HMBOX1: variants seen among roughly 807,000 people sequenced by gnomAD.
HMBOX1 encodes homeobox-containing protein 1.
In HMBOX1, 14 loss-of-function variants were observed where a neutral mutation model predicts 54.5. The ratio of observed to expected loss-of-function variants is 0.26; its 90% CI spans 0.17 to 0.40. The LOEUF (loss-of-function observed/expected upper bound fraction) is 0.40, where lower values mean the gene tolerates loss of function less well. Among genes scored for constraint, HMBOX1 ranks in the 10% least tolerant of loss-of-function variants. HMBOX1 has a pLI of 1.00. For synonymous variants in HMBOX1, 160 were observed against 181.0 expected, an observed-to-expected ratio of 0.88 and a Z score of 0.93; for missense variants, 332 against 514.4, an observed-to-expected ratio of 0.65 and a Z score of 3.43.
chr8:29,009,996 AT>A (rs1834021479), intron 5 of HMBOX1: 1 of 984,292 alleles, frequency 1.0e-6, no homozygotes, highest in African/African-American at 1.7e-5. Context: ...ATATTGCATA[AT>A]AATAGCATTG....
At chr8:28,978,671 C>T (rs994151083) in intron 3 of HMBOX1, among the ~76,000 whole-genome samples, 2 of 151,776 alleles carry the variant, frequency 1.3e-5, no homozygotes, top group African/African-American at 4.8e-5. Flanking sequence ...CCTGTAACCT[C>T]AGCTACTCAG....
intron 4 of HMBOX1, among the ~76,000 whole-genome samples, chr8:28,988,812 A>T (rs1401202994): frequency 6.6e-6 from 1 of 151,734 alleles, no homozygotes; most frequent in Non-Finnish European, 1.5e-5. Context: ...CTTTTTGTTT[A>T]TTCTGGGTAC....
At chr8:28,900,056 C>T (rs1812903911) in intron 1 of HMBOX1, among the ~76,000 whole-genome samples, 1 of 151,730 alleles carries the variant, frequency 6.6e-6, no homozygotes, top group Admixed American at 6.6e-5. Flanking sequence ...CAAGACCAGC[C>T]TGGCCAACAT....
intron 1 of HMBOX1, among the ~76,000 whole-genome samples, chr8:28,922,754 A>C (rs1040489863): frequency 6.6e-6 from 1 of 152,186 alleles, no homozygotes; most frequent in Non-Finnish European, 1.5e-5. Flanking sequence ...GAGGAGTAAC[A>C]ATATATTATT....
chr8:28,932,659 G>C (rs1819663154), intron 1 of HMBOX1, among the ~76,000 whole-genome samples: 1 of 152,138 alleles, frequency 6.6e-6, no homozygotes, highest in Non-Finnish European at 1.5e-5. Flanking sequence ...TTTGTAGACT[G>C]ACTAACCACT....
At chr8:28,911,594 G>T (rs1354053916) in intron 1 of HMBOX1, among the ~76,000 whole-genome samples, 2 of 152,058 alleles carry the variant, frequency 1.3e-5, no homozygotes, top group East Asian at 3.9e-4. Flanking sequence ...GACCTCAAAT[G>T]ATCCACCCAC....
intron 4 of HMBOX1, among the ~76,000 whole-genome samples, chr8:28,988,452 G>T (rs757495550): frequency 5.3e-5 from 8 of 152,232 alleles, no homozygotes; most frequent in Admixed American, 2.6e-4. Flanking sequence ...ATACCCAGGA[G>T]TGGGATTGTG....
intron 4 of HMBOX1, among the ~76,000 whole-genome samples, chr8:28,995,471 G>A (rs1387379336): frequency 1.3e-5 from 2 of 152,172 alleles, no homozygotes; most frequent in African/African-American, 4.8e-5. Flanking sequence ...ATGAACATTT[G>A]TAGATAAGTT....
chr8:28,896,891 T>C (rs958839165), intron 1 of HMBOX1, among the ~76,000 whole-genome samples: 2 of 152,222 alleles, frequency 1.3e-5, no homozygotes, highest in African/African-American at 4.8e-5. Flanking sequence ...ACTTAAACTT[T>C]CTTTTAAAAG....
intron 1 of HMBOX1, among the ~76,000 whole-genome samples, chr8:28,956,826 T>C (rs1442836055): frequency 6.6e-6 from 1 of 152,172 alleles, no homozygotes; most frequent in East Asian, 1.9e-4. Flanking sequence ...CATTAAAAAG[T>C]GGACAAAAGA....
At chr8:28,972,701 G>T (rs1827632333) in intron 3 of HMBOX1, among the ~76,000 whole-genome samples, 1 of 152,190 alleles carries the variant, frequency 6.6e-6, no homozygotes, top group Non-Finnish European at 1.5e-5. Context: ...CTAACAAGAA[G>T]TATGGGAAAA....
chr8:29,049,475 G>A (rs1301300208), intron 9 of HMBOX1: 19 of 1,467,980 alleles, frequency 1.3e-5, no homozygotes, highest in East Asian at 5.0e-5. Context: ...AACACGTACC[G>A]ACGCAGGGCA....
chr8:28,923,593 A>G (rs771076776), intron 1 of HMBOX1, among the ~76,000 whole-genome samples: 8 of 152,220 alleles, frequency 5.3e-5, no homozygotes, highest in South Asian at 2.1e-4. Flanking sequence ...ATTAGATAGT[A>G]TAAGTAATCT....
At chr8:29,039,811 G>T (rs1448385483) in intron 6 of HMBOX1, among the ~76,000 whole-genome samples, 2 of 152,048 alleles carry the variant, frequency 1.3e-5, no homozygotes, top group African/African-American at 4.8e-5. Context: ...TGGTCCTAGG[G>T]TGGCCACATA....
intron 8 of HMBOX1, chr8:29,048,500 A>T (rs1408803588): frequency 6.6e-6 from 1 of 152,334 alleles, no homozygotes; most frequent in African/African-American, 2.4e-5. Context: ...TTAGCTTCTA[A>T]AATTGCATTT....
At chr8:29,001,851 A>G (rs988226242) in intron 4 of HMBOX1, among the ~76,000 whole-genome samples, 2 of 152,234 alleles carry the variant, frequency 1.3e-5, no homozygotes, top group African/African-American at 4.8e-5. Flanking sequence ...TAAATCTATA[A>G]CCATGAGTGT....
chr8:29,051,320 T>C lies in HMBOX1; in HGVS notation c.*165T>C. ...AAGATGGCATGGTGCCCTCAGCCTTTGCATATACTCTCTCAGTATTAACTC... is the reference window on the plus strand; with the variant it reads ...AAGATGGCATGGTGCCCTCAGCCTTCGCATATACTCTCTCAGTATTAACTC... On this transcript the variant is annotated 3_prime_UTR_variant, in exon 10 of 10. Coordinates refer to ENST00000287701, the MANE Select transcript of HMBOX1 (RefSeq NM_001135726.3). The C allele has an allele frequency of 1.4e-6, 1 of 695,570 alleles. No homozygotes were observed. The highest frequency in any genetic ancestry group is 1.8e-5 in the African/African-American group (1 of 55,928). The allele number at this position is 695,570 out of a possible 1,614,324, so 43.1% of individuals were successfully genotyped here.
At chr8:28,935,301 A>G (rs1447288023) in intron 1 of HMBOX1, among the ~76,000 whole-genome samples, 1 of 152,216 alleles carries the variant, frequency 6.6e-6, no homozygotes, top group African/African-American at 2.4e-5. Context: ...CAGAATACCT[A>G]TAATAAGCCA....
chr8:28,925,649 AAT>A (rs1311029415), intron 1 of HMBOX1, among the ~76,000 whole-genome samples: 1 of 152,112 alleles, frequency 6.6e-6, no homozygotes, highest in Non-Finnish European at 1.5e-5. Flanking sequence ...TGAAAAAAAA[AAT>A]CTCTCTCATT....
Sources: gnomAD v4.1 joint callset for allele counts (sites outside exome capture counted in the v4.1 genomes callset) on GRCh38, gnomAD v4.1.1 for gene constraint, MANE v1.5 for transcripts, NCBI Gene and HGNC (gene_info 2026-07-23, HGNC 2026-07-21) for gene names.